SVIL: variants seen among roughly 807,000 people sequenced by gnomAD.
SVIL encodes the protein archvillin.
Under a neutral mutation model 240.4 loss-of-function variants are expected in SVIL, and 101 were observed. The observed-to-expected ratio is 0.42, with a 90% CI of 0.36 to 0.50. The LOEUF is 0.50. SVIL is among the 20% of genes least tolerant of loss of function. The pLI is 0.01. For missense variants in SVIL, 2,512 were observed against 2,818.7 expected, an observed-to-expected ratio of 0.89 and a Z score of 2.46; for synonymous variants, 999 against 1,100.0, an observed-to-expected ratio of 0.91 and a Z score of 1.82.
intron 1 of SVIL, among the ~76,000 whole-genome samples, chr10:29,723,450 C>A (rs1274411231): frequency 6.6e-6 from 1 of 152,146 alleles, no homozygotes; most frequent in Non-Finnish European, 1.5e-5. Flanking sequence ...TGACAAGTCA[C>A]TTTCTAGTAC....
intron 3 of SVIL, among the ~76,000 whole-genome samples, chr10:29,645,384 A>G (rs1419347338): frequency 6.6e-6 from 1 of 152,132 alleles, no homozygotes; most frequent in African/African-American, 2.4e-5. Flanking sequence ...AGCCTGGCCA[A>G]CATGGTGAAA....
At chr10:29,582,275 C>A (rs577118044) in intron 1 of SVIL, among the ~76,000 whole-genome samples, 34 of 152,284 alleles carry the variant, frequency 2.2e-4, no homozygotes, top group Admixed American at 5.9e-4. Context: ...CAAATCACAG[C>A]TGACATACAA....
At chr10:29,725,843 A>G (rs1964256594) in intron 1 of SVIL, among the ~76,000 whole-genome samples, 1 of 152,234 alleles carries the variant, frequency 6.6e-6, no homozygotes, top group African/African-American at 2.4e-5. Flanking sequence ...GGAACCGTCT[A>G]GACTAGATCC....
At chr10:29,725,235 C>A (rs1233317512) in intron 1 of SVIL, among the ~76,000 whole-genome samples, 1 of 151,928 alleles carries the variant, frequency 6.6e-6, no homozygotes, top group Non-Finnish European at 1.5e-5. Flanking sequence ...CAGGGTGATT[C>A]ATCCTGCAGA....
At chr10:29,664,359 A>T (rs1959192648) in intron 2 of SVIL, among the ~76,000 whole-genome samples, 1 of 152,010 alleles carries the variant, frequency 6.6e-6, no homozygotes, top group African/African-American at 2.4e-5. Flanking sequence ...TTGAAGAAAA[A>T]CTCAGGTTGG....
chr10:29,578,051 T>G (rs1026089667), intron 1 of SVIL, among the ~76,000 whole-genome samples: 3 of 152,196 alleles, frequency 2.0e-5, no homozygotes, highest in African/African-American at 7.2e-5. Context: ...TTAGTCTACC[T>G]GGGGTGCATA....
chr10:29,508,373 G>C (rs1179498407), intron 17 of SVIL: 1 of 1,289,242 alleles, frequency 7.8e-7, no homozygotes, highest in Non-Finnish European at 1.0e-6. Flanking sequence ...ACTATCATCC[G>C]CAACTCCTCC....
chr10:29,673,967 C>T (rs373823372), intron 2 of SVIL, among the ~76,000 whole-genome samples: 68 of 152,180 alleles, frequency 4.5e-4, no homozygotes, highest in South Asian at 1.5e-3. Context: ...AATGATAATG[C>T]GAAGTATGAT....
intron 17 of SVIL, among the ~76,000 whole-genome samples, chr10:29,510,005 C>T (rs577867071): frequency 6.6e-5 from 10 of 152,186 alleles, no homozygotes; most frequent in African/African-American, 1.4e-4. Context: ...CGAGCTCAAG[C>T]GATCCTCCTG....
At chr10:29,505,109 G>A (rs1949172118) in intron 17 of SVIL, among the ~76,000 whole-genome samples, 1 of 152,184 alleles carries the variant, frequency 6.6e-6, no homozygotes, top group African/African-American at 2.4e-5. Flanking sequence ...GATCACCTGA[G>A]GTTAGGAGTT....
intron 13 of SVIL, among the ~76,000 whole-genome samples, chr10:29,525,852 G>T (rs1488046368): frequency 6.6e-6 from 1 of 152,132 alleles, no homozygotes; most frequent in Non-Finnish European, 1.5e-5. Context: ...CATATTCCAG[G>T]TGTATAATGA....
At position 29,532,676 on chromosome 10, in the gene SVIL, T is replaced by C; in HGVS notation, c.1691A>G (p.Asp564Gly). 6.2e-7 allele frequency: 1 copy of C among 1,614,126 alleles called. No individual in the cohort carries two copies. The highest frequency in any genetic ancestry group is 8.5e-7 in the Non-Finnish European group (1 of 1,180,022). The change falls in exon 8 of 38, where the codon GAC becomes GGC. Residue 564 changes from aspartate to glycine, a missense_variant. Asp to Gly is a moderately conservative substitution (Grantham distance 94). Coordinates refer to ENST00000355867, the MANE Select transcript of SVIL (RefSeq NM_021738.3). ...CTCCAGCTCTCTCCTGGAAGCTGGG[T>C]CCTTATACTTCAAGGCCTGGAGCTG... ...PPQLQALKYK[D>G]PASRRELELP...
intron 33 of SVIL, 63 bp downstream of exon 33, chr10:29,467,679 C>T (rs1302719282): frequency 7.5e-6 from 12 of 1,600,490 alleles, no homozygotes; most frequent in East Asian, 2.2e-5. Flanking sequence ...GATAACAGAG[C>T]AAGACTCTTG....
intron 16 of SVIL, among the ~76,000 whole-genome samples, chr10:29,515,954 C>T (rs1950172100): frequency 1.3e-5 from 2 of 152,076 alleles, no homozygotes; most frequent in African/African-American, 4.8e-5. Flanking sequence ...AATTGTTATT[C>T]CCATTCTGAC....
At chr10:29,613,610 T>C (rs1376009627) in intron 1 of SVIL, among the ~76,000 whole-genome samples, 1 of 152,168 alleles carries the variant, frequency 6.6e-6, no homozygotes, top group East Asian at 1.9e-4. Flanking sequence ...AGTGCTGGGA[T>C]TACAGGCGTG....
chr10:29,736,472 G>T (rs948004021), upstream of SVIL, among the ~76,000 whole-genome samples: 8 of 151,688 alleles, frequency 5.3e-5, no homozygotes, highest in Admixed American at 2.0e-4. Flanking sequence ...CCGCCCTATC[G>T]CTCTCCCGGC....
intron 1 of SVIL, among the ~76,000 whole-genome samples, chr10:29,622,122 C>T (rs1957673220): frequency 2.0e-5 from 3 of 150,788 alleles, no homozygotes; most frequent in South Asian, 4.2e-4. Context: ...TGGTGGCGGG[C>T]GCCTGTAGTC....
intron 21 of SVIL, among the ~76,000 whole-genome samples, 162 bp from the exon 22 acceptor site, chr10:29,491,181 A>C (rs1273027410): frequency 1.3e-5 from 2 of 151,990 alleles, no homozygotes; most frequent in Non-Finnish European, 2.9e-5. Flanking sequence ...AATCTTGGAG[A>C]TGGAAGAGGG....
chr10:29,515,782 TG>T (rs759752544), intron 16 of SVIL, among the ~76,000 whole-genome samples: 9 of 152,156 alleles, frequency 5.9e-5, no homozygotes, highest in Admixed American at 1.3e-4. Context: ...CCCAAAAGTC[TG>T]GGGCAAGGAC....
Sources: allele counts gnomAD v4.1 joint callset (sites outside exome capture counted in the v4.1 genomes callset), GRCh38; gene constraint gnomAD v4.1.1; transcripts MANE v1.5; gene names NCBI Gene and HGNC (gene_info 2026-07-23, HGNC 2026-07-21).